SYN3: variants seen among roughly 807,000 people sequenced by gnomAD.
SYN3 encodes synapsin III, also known as synapsin-3.
A neutral mutation model predicts 65.8 loss-of-function variants in SYN3; 35 were observed. The observed-to-expected ratio is 0.53, with a 90% CI of 0.41 to 0.70. The LOEUF (loss-of-function observed/expected upper bound fraction) is 0.70. Ranked by LOEUF, SYN3 falls within the 30% of genes least tolerant of loss-of-function variation. SYN3 has a pLI of 0.00. For synonymous variants in SYN3, 270 were observed against 292.9 expected, an observed-to-expected ratio of 0.92 and a Z score of 0.80; for missense variants, 680 against 749.0, an observed-to-expected ratio of 0.91 and a Z score of 1.08.
intron 6 of SYN3, among the ~76,000 whole-genome samples, chr22:32,730,346 C>A (rs1042345269): frequency 3.9e-5 from 6 of 152,356 alleles, no homozygotes; most frequent in Admixed American, 1.3e-4. Flanking sequence ...GCTTACTGAG[C>A]AGCCACCTGG....
chr22:33,035,339 C>A (rs11703538), intron 1 of SYN3, among the ~76,000 whole-genome samples: 4 of 94,842 alleles, frequency 4.2e-5, no homozygotes, highest in African/African-American at 7.6e-5. Flanking sequence ...GACCCCCCCC[C>A]CCCCCGCCAC....
chr22:32,980,831 C>A (rs540314942), intron 2 of SYN3, 129 bp from the exon 3 acceptor site: 5 of 737,004 alleles, frequency 6.8e-6, no homozygotes, highest in African/African-American at 1.8e-5. Context: ...TCTCCTCCCA[C>A]CTTCACTACT....
chr22:33,021,220 G>A (rs1304802488), intron 1 of SYN3, among the ~76,000 whole-genome samples: 2 of 152,122 alleles, frequency 1.3e-5, no homozygotes, highest in Non-Finnish European at 2.9e-5. Flanking sequence ...TCTGCAAAGT[G>A]GGGATACCAA....
At position 32,801,896 on chromosome 22, in the gene SYN3, C is replaced by G. The variant is rs2046592665; in HGVS notation, c.711+63019G>C. ...CGCCGGAGGCCAAGGTTGCCCCGCACGGCCCGGCGGGCGAGCGAGCTCGGG... is the reference window on the plus strand; with the variant it reads ...CGCCGGAGGCCAAGGTTGCCCCGCAGGGCCCGGCGGGCGAGCGAGCTCGGG... On this transcript the variant is annotated intron_variant, in intron 6 of 13. Coordinates refer to ENST00000358763, the MANE Select transcript of SYN3 (RefSeq NM_003490.4). This position sits in a 1 kb window ranked among gnomAD's most constrained non-coding sequence, Gnocchi z 4.7. 3 of 1,358,844 alleles carry G rather than the reference C, an allele frequency of 2.2e-6. No homozygotes were observed. The highest frequency in any genetic ancestry group is 2.8e-6 in the Non-Finnish European group (3 of 1,060,640). The allele number at this position is 1,358,844 out of a possible 1,614,324, so 84.2% of individuals were successfully genotyped here. A position where few individuals can be genotyped will look rare whatever the true frequency, so the allele number is the denominator to read the frequency against.
chr22:33,032,463 C>T (rs2413162), intron 1 of SYN3, among the ~76,000 whole-genome samples: 27,249 of 151,596 alleles, frequency 0.18, 2,771 homozygotes, highest in East Asian at 0.41. Context: ...TGAGATCGTG[C>T]CACTGCACTC....
At chr22:32,892,436 T>C (rs2049476348) in intron 4 of SYN3, among the ~76,000 whole-genome samples, 1 of 152,132 alleles carries the variant, frequency 6.6e-6, no homozygotes, top group South Asian at 2.1e-4. Flanking sequence ...TGATCCTTGG[T>C]TTTGTAGGAT....
chr22:33,021,913 A>G (rs1313498649), intron 1 of SYN3, among the ~76,000 whole-genome samples: 1 of 152,116 alleles, frequency 6.6e-6, no homozygotes, highest in Non-Finnish European at 1.5e-5. Context: ...AGTGCCTAGC[A>G]CATAGTAGAG....
intron 6 of SYN3, among the ~76,000 whole-genome samples, chr22:32,774,946 C>T (rs940357505): frequency 3.3e-5 from 5 of 152,194 alleles, no homozygotes; most frequent in South Asian, 2.1e-4. Context: ...TGAGGGCCTC[C>T]GTGGAGCTGA....
At chr22:32,822,583 C>T (rs181416876) in intron 6 of SYN3, among the ~76,000 whole-genome samples, 1 of 152,246 alleles carries the variant, frequency 6.6e-6, no homozygotes, top group East Asian at 1.9e-4. Context: ...CAATGGAGTC[C>T]ATTGCTACAT....
At chr22:33,010,377 A>C (rs908161147) in intron 1 of SYN3, among the ~76,000 whole-genome samples, 5 of 152,148 alleles carry the variant, frequency 3.3e-5, no homozygotes, top group Non-Finnish European at 5.9e-5. Context: ...TAGGGTATGA[A>C]GTTCATTTTC....
chr22:32,948,889 AAG>A (rs1491035912), intron 3 of SYN3, among the ~76,000 whole-genome samples: 5 of 136,430 alleles, frequency 3.7e-5, no homozygotes, highest in African/African-American at 1.4e-4. Flanking sequence ...AAAAAAAAAA[AAG>A]AAAGAAAGAA....
intron 6 of SYN3, among the ~76,000 whole-genome samples, chr22:32,824,745 GT>G (rs2047351999): frequency 1.3e-5 from 2 of 152,134 alleles, no homozygotes; most frequent in African/African-American, 4.8e-5. Context: ...TTTCGATGTT[GT>G]TCTTTCGCTT....
At chr22:32,937,841 A>AC (rs1287799683) in intron 3 of SYN3, among the ~76,000 whole-genome samples, 11 of 11,690 alleles carry the variant, frequency 9.4e-4, no homozygotes, top group Non-Finnish European at 4.0e-4. Flanking sequence ...AAATACACAC[A>AC]AAAAAAAGCA....
chr22:32,514,476 A>T (rs2096524012), intron 13 of SYN3: 1 of 152,156 alleles, frequency 6.6e-6, no homozygotes, highest in Admixed American at 6.5e-5. Flanking sequence ...CGCTTTTGGA[A>T]TTCTTTTAGT....
chr22:33,016,735 ATTTTTTG>A (rs1482672544), intron 1 of SYN3, among the ~76,000 whole-genome samples: 1 of 152,034 alleles, frequency 6.6e-6, no homozygotes, highest in African/African-American at 2.4e-5. Flanking sequence ...TTACTTGCCC[ATTTTTTG>A]ATTGGATTAT....
At chr22:32,518,017 C>A in intron 13 of SYN3, 26 bp downstream of exon 13, 9 of 1,508,982 alleles carry the variant, frequency 6.0e-6, no homozygotes, top group Non-Finnish European at 7.1e-6. Context: ...CTATCCTATA[C>A]CTTTTCCAAT....
intron 13 of SYN3, among the ~76,000 whole-genome samples, chr22:32,515,276 A>C (rs1000832860): frequency 6.6e-6 from 1 of 152,208 alleles, no homozygotes. Flanking sequence ...TAGTTGGCTG[A>C]TCTCCTTATG....
At chr22:32,894,318 T>G (rs924619074) in intron 4 of SYN3, among the ~76,000 whole-genome samples, 17 of 152,262 alleles carry the variant, frequency 1.1e-4, no homozygotes, top group Admixed American at 9.2e-4. Flanking sequence ...TACTACTGAT[T>G]CTGTGACTTT....
intron 6 of SYN3, among the ~76,000 whole-genome samples, chr22:32,735,037 G>T (rs1216265508): frequency 6.6e-6 from 1 of 152,206 alleles, no homozygotes; most frequent in Non-Finnish European, 1.5e-5. Flanking sequence ...AATTGCGCAG[G>T]ATTTGGGGGT....
Sources: allele counts gnomAD v4.1 joint callset (sites outside exome capture counted in the v4.1 genomes callset), GRCh38; gene constraint gnomAD v4.1.1; non-coding constraint Gnocchi (gnomAD v3.1); transcripts MANE v1.5; gene names NCBI Gene and HGNC (gene_info 2026-07-23, HGNC 2026-07-21).